CNBD1: variants seen among roughly 807,000 people sequenced by gnomAD.
CNBD1 encodes the protein cyclic nucleotide binding domain containing 1.
In CNBD1, 71 loss-of-function variants were observed where a neutral mutation model predicts 54.4. The observed-to-expected ratio is 1.30, with a 90% CI of 1.08 to 1.59. CNBD1 has a LOEUF of 1.59. Among genes scored for constraint, CNBD1 ranks in the 40% most tolerant of loss-of-function variants. CNBD1 has a pLI of 0.00. For missense variants in CNBD1, 659 were observed against 518.0 expected (o/e 1.27, Z -2.64); for synonymous variants, 182 against 170.7 (o/e 1.07, Z -0.51).
intron 3 of CNBD1, among the ~76,000 whole-genome samples, chr8:86,924,759 C>T (rs953334259): frequency 6.6e-6 from 1 of 151,990 alleles, no homozygotes; most frequent in Non-Finnish European, 1.5e-5. Flanking sequence ...AAGATTATCC[C>T]AACTCTTTAA....
At chr8:86,963,450 G>C (rs1449648983) in intron 4 of CNBD1, among the ~76,000 whole-genome samples, 1 of 152,138 alleles carries the variant, frequency 6.6e-6, no homozygotes, top group Admixed American at 6.5e-5. Context: ...CGGAGAAAAA[G>C]GTGCCTCAGG....
At chr8:87,321,217 T>C (rs921268162) in intron 8 of CNBD1, among the ~76,000 whole-genome samples, 2 of 152,200 alleles carry the variant, frequency 1.3e-5, no homozygotes, top group African/African-American at 4.8e-5. Flanking sequence ...CTGAATCACA[T>C]GATAGTTCTA....
intron 2 of CNBD1, among the ~76,000 whole-genome samples, chr8:87,409,751 G>A (rs780253646): frequency 1.3e-5 from 2 of 152,038 alleles, no homozygotes; most frequent in Non-Finnish European, 2.9e-5. Context: ...GGCTGGGTGT[G>A]GTGGCTCATG....
intron 5 of CNBD1, among the ~76,000 whole-genome samples, chr8:87,222,706 T>G (rs1174599240): frequency 1.3e-5 from 2 of 152,204 alleles, no homozygotes; most frequent in African/African-American, 4.8e-5. Flanking sequence ...CAATCATGTT[T>G]GCTTTAATCA....
At chr8:87,075,345 A>G (rs1357860979) in intron 4 of CNBD1, among the ~76,000 whole-genome samples, 1 of 152,178 alleles carries the variant, frequency 6.6e-6, no homozygotes, top group East Asian at 1.9e-4. Flanking sequence ...TTTCTAAACA[A>G]AGAAATCGAT....
chr8:86,894,907 G>A (rs893514231), intron 2 of CNBD1, among the ~76,000 whole-genome samples: 1 of 152,112 alleles, frequency 6.6e-6, no homozygotes, highest in African/African-American at 2.4e-5. Flanking sequence ...CTGGAGGCTG[G>A]GAAGTCAAAG....
At chr8:87,372,537 G>A (rs1292055586) in intron 10 of CNBD1, among the ~76,000 whole-genome samples, 1 of 151,870 alleles carries the variant, frequency 6.6e-6, no homozygotes, top group Non-Finnish European at 1.5e-5. Context: ...CATAAACGTG[G>A]TCTCCAAGAT....
intron 8 of CNBD1, among the ~76,000 whole-genome samples, chr8:87,327,380 A>G (rs978356190): frequency 5.9e-5 from 9 of 151,826 alleles, no homozygotes; most frequent in African/African-American, 2.2e-4. Flanking sequence ...AGCCTGGGCA[A>G]TGGTGGGCGC....
rs1237753344 is a variant in CNBD1 at position 87,166,816 on chromosome 8, A to AGGCAT, written c.432-39176_432-39172dup. Among the ~76,000 whole-genome samples the AGGCAT allele has an allele frequency of 1.3e-5, 2 of 151,934 alleles. No individual in the cohort carries two copies. The highest frequency in any genetic ancestry group is 4.8e-5 in the African/African-American group (2 of 41,406). ...ATGCCTGCTATGAACACCCTATGTC[A>AGGCAT]GGCATTCTGCAACCCCACCACAAAC... On this transcript the variant is annotated intron_variant, in intron 4 of 10. Transcript: ENST00000518476. This position sits in a 1 kb window ranked among gnomAD's most constrained non-coding sequence, Gnocchi z 4.3.
At chr8:87,220,297 GTTTGCCTTACCAA>G (rs536100606) in intron 5 of CNBD1, among the ~76,000 whole-genome samples, 347 of 152,056 alleles carry the variant, frequency 2.3e-3, no homozygotes, top group Non-Finnish European at 3.9e-3. Flanking sequence ...AATGTTCGTA[GTTTGCCTTACCAA>G]TAGTCCTCTG....
At chr8:87,084,263 A>G (rs756373318) in intron 4 of CNBD1, among the ~76,000 whole-genome samples, 12 of 152,172 alleles carry the variant, frequency 7.9e-5, no homozygotes, top group Non-Finnish European at 1.3e-4. Flanking sequence ...TTATTATTTT[A>G]TCATTCCCAG....
At chr8:86,875,678 A>G (rs552920524) in intron 1 of CNBD1, among the ~76,000 whole-genome samples, 27 of 152,140 alleles carry the variant, frequency 1.8e-4, no homozygotes, top group Non-Finnish European at 2.5e-4. Flanking sequence ...ATTTATTGCT[A>G]TTGCCTCTGG....
intron 3 of CNBD1, among the ~76,000 whole-genome samples, chr8:86,917,723 C>A (rs563868407): frequency 6.6e-6 from 1 of 152,270 alleles, no homozygotes; most frequent in South Asian, 2.1e-4. Context: ...CACTCTGCAA[C>A]AGGAACATGA....
chr8:87,300,145 TATG>T (rs756709220), intron 8 of CNBD1, among the ~76,000 whole-genome samples: 15 of 152,242 alleles, frequency 9.9e-5, no homozygotes, highest in Non-Finnish European at 1.9e-4. Context: ...AAAATATAAA[TATG>T]ATATCAAAAC....
chr8:87,235,560 A>G (rs1807569280), intron 5 of CNBD1, among the ~76,000 whole-genome samples: 1 of 152,134 alleles, frequency 6.6e-6, no homozygotes, highest in South Asian at 2.1e-4. Flanking sequence ...CAGTCCAAAC[A>G]CACACAACAT....
chr8:86,867,045 A>T (rs1808375495), intron 1 of CNBD1, among the ~76,000 whole-genome samples: 1 of 152,166 alleles, frequency 6.6e-6, no homozygotes. Flanking sequence ...TACTATTCTG[A>T]CTGTGAAATT....
At chr8:87,273,876 C>G (rs1808421408) in intron 6 of CNBD1, among the ~76,000 whole-genome samples, 1 of 151,134 alleles carries the variant, frequency 6.6e-6, no homozygotes, top group South Asian at 2.1e-4. Flanking sequence ...CACCCACTAA[C>G]TCGTCATCTA....
intron 10 of CNBD1, among the ~76,000 whole-genome samples, chr8:87,356,534 C>G (rs1810423717): frequency 6.6e-6 from 1 of 152,108 alleles, no homozygotes; most frequent in Non-Finnish European, 1.5e-5. Flanking sequence ...CCTAGGGTAT[C>G]TGGTGGAAGA....
intron 6 of CNBD1, among the ~76,000 whole-genome samples, chr8:87,266,722 G>A (rs2130854242): frequency 6.6e-6 from 1 of 152,106 alleles, no homozygotes; most frequent in Middle Eastern, 3.4e-3. Context: ...AAAGTGCTGG[G>A]ATTACAGGCT....
Sources: allele counts gnomAD v4.1 joint callset (sites outside exome capture counted in the v4.1 genomes callset), GRCh38; gene constraint gnomAD v4.1.1; non-coding constraint Gnocchi (gnomAD v3.1); transcripts MANE v1.5; gene names NCBI Gene and HGNC (gene_info 2026-07-23, HGNC 2026-07-21).